TSPAN15: variants seen among roughly 807,000 people sequenced by gnomAD.
TSPAN15 encodes the protein tetraspanin 15.
TSPAN15 carries 20 observed loss-of-function variants against 34.5 expected under a neutral mutation model. The ratio of observed to expected loss-of-function variants is 0.58; its 90% CI spans 0.41 to 0.84. The LOEUF is 0.84. Among genes scored for constraint, TSPAN15 ranks in the 40% least tolerant of loss-of-function variants. TSPAN15 has a pLI of 0.00. For missense variants in TSPAN15, 313 were observed against 386.1 expected, an observed-to-expected ratio of 0.81 and a Z score of 1.59; for synonymous variants, 155 against 153.9, an observed-to-expected ratio of 1.01 and a Z score of -0.05.
At chr10:69,496,930 G>T (rs950540354) in intron 4 of TSPAN15, among the ~76,000 whole-genome samples, 4 of 152,244 alleles carry the variant, frequency 2.6e-5, no homozygotes, top group African/African-American at 9.6e-5. Context: ...TCCTGGCATA[G>T]AGGTAGGAGG....
At chr10:69,480,939 C>G (rs1444079229) in intron 1 of TSPAN15, among the ~76,000 whole-genome samples, 2 of 152,182 alleles carry the variant, frequency 1.3e-5, no homozygotes, top group African/African-American at 4.8e-5. Context: ...CTCAAGTGAT[C>G]TGCCCACCTC....
intron 1 of TSPAN15, among the ~76,000 whole-genome samples, chr10:69,465,708 C>G (rs1207630508): frequency 6.6e-6 from 1 of 152,176 alleles, no homozygotes; most frequent in Admixed American, 6.5e-5. Flanking sequence ...CTCTCTCTCT[C>G]GGCAGACTTA....
At chr10:69,544,504 GTTCAAAAGC>G in the TSPAN15 span, among the ~76,000 whole-genome samples, 5 of 152,300 alleles carry the variant, frequency 3.3e-5, no homozygotes, top group Middle Eastern at 3.4e-3. Flanking sequence ...TCCCGCAGCG[GTTCAAAAGC>G]TGCTCCAGGC....
intron 3 of TSPAN15, among the ~76,000 whole-genome samples, chr10:69,490,584 G>A (rs1017674543): frequency 6.6e-6 from 1 of 152,190 alleles, no homozygotes; most frequent in Non-Finnish European, 1.5e-5. Flanking sequence ...AGCTAGGCGT[G>A]GTAGTGGGCA....
In TSPAN15 at chr10:69,498,514, G is replaced by A. The variant is rs1455216479; in HGVS notation, c.570+118G>A. ...GGTGTGGGTGGATGGCAGGGAAGTA[G>A]GAGTTGGTGGCAGAGCGGAGGCTTT... On this transcript the variant is annotated intron_variant, in intron 5 of 7. Coordinates refer to ENST00000373290, the MANE Select transcript of TSPAN15 (RefSeq NM_012339.5). 3.9e-5 allele frequency: 31 copies of A among 801,366 alleles called. No homozygotes were observed. In the East Asian group the frequency reaches 8.3e-4, roughly 22 times the overall value. The allele number at this position is 801,366 out of a possible 1,614,324, so 49.6% of individuals were successfully genotyped here.
chr10:69,524,586 A>G, the TSPAN15 span, among the ~76,000 whole-genome samples: 1 of 147,318 alleles, frequency 6.8e-6, no homozygotes, highest in South Asian at 2.1e-4. Context: ...ACTATGCAGC[A>G]GTTAAGTAAG....
At chr10:69,507,719 G>A, downstream of TSPAN15, 1 of 1,166,114 alleles carries the variant, frequency 8.6e-7, no homozygotes, top group Non-Finnish European at 1.1e-6. Flanking sequence ...AAGGAAGGCT[G>A]CAACCTGGAT....
intron 6 of TSPAN15, 145 bp from the exon 7 acceptor site, chr10:69,505,979 G>T (rs1842316692): frequency 3.1e-6 from 2 of 637,176 alleles, no homozygotes; most frequent in South Asian, 3.9e-5. Context: ...AGAATCTAGG[G>T]TCACCTTCTC....
chr10:69,540,663 C>T, the TSPAN15 span, among the ~76,000 whole-genome samples: 1 of 152,090 alleles, frequency 6.6e-6, no homozygotes, highest in Non-Finnish European at 1.5e-5. Context: ...TGTGTCTGCT[C>T]TATGGAGGAT....
At chr10:69,490,643 C>T (rs956298854) in intron 3 of TSPAN15, among the ~76,000 whole-genome samples, 2 of 152,224 alleles carry the variant, frequency 1.3e-5, no homozygotes, top group African/African-American at 4.8e-5. Context: ...ATTGCTTCAA[C>T]CCAGGAGGCA....
chr10:69,479,156 G>A (rs921407718), intron 1 of TSPAN15, among the ~76,000 whole-genome samples: 6 of 152,226 alleles, frequency 3.9e-5, no homozygotes, highest in African/African-American at 1.2e-4. Context: ...ACAGAGCCTA[G>A]TATTTGCCTT....
the TSPAN15 span, among the ~76,000 whole-genome samples, chr10:69,513,862 G>T: frequency 5.3e-5 from 8 of 152,190 alleles, no homozygotes; most frequent in African/African-American, 1.9e-4. Flanking sequence ...AATTGCCTTG[G>T]CACCTTTGTT....
Position 69,479,807 on chromosome 10 carries a change from C to T in TSPAN15, c.97-3884C>T, listed in dbSNP as rs1841694785. Among the ~76,000 whole-genome samples, 3 of 152,186 alleles carry T rather than the reference C, an allele frequency of 2.0e-5. No homozygotes were observed. In the South Asian group the frequency reaches 6.2e-4, roughly 31 times the overall value. On this transcript the variant is annotated intron_variant, in intron 1 of 7. Coordinates refer to ENST00000373290, the MANE Select transcript of TSPAN15 (RefSeq NM_012339.5). ...TCTTGGGAGCACTTGAATGGGGAGGCCAGAGAGGCCTGTGCTGTATGGGGA... is the reference window on the plus strand; with the variant it reads ...TCTTGGGAGCACTTGAATGGGGAGGTCAGAGAGGCCTGTGCTGTATGGGGA...
intron 1 of TSPAN15, among the ~76,000 whole-genome samples, chr10:69,458,986 C>T (rs575540383): frequency 1.3e-5 from 2 of 151,670 alleles, no homozygotes; most frequent in African/African-American, 2.4e-5. Flanking sequence ...GTGGGGCTCA[C>T]GGTCAACCTG....
At chr10:69,545,942 T>C in the TSPAN15 span, among the ~76,000 whole-genome samples, 1 of 151,748 alleles carries the variant, frequency 6.6e-6, no homozygotes, top group African/African-American at 2.4e-5. Context: ...GGTGACAGAG[T>C]GAGACTCTGT....
At chr10:69,511,563 C>T (rs539330439), downstream of TSPAN15, among the ~76,000 whole-genome samples, 46 of 152,210 alleles carry the variant, frequency 3.0e-4, no homozygotes, top group African/African-American at 8.4e-4. Context: ...TTTTGTGTCT[C>T]TTATCTTCTT....
chr10:69,513,516 T>C, the TSPAN15 span, among the ~76,000 whole-genome samples: 2 of 152,146 alleles, frequency 1.3e-5, no homozygotes, highest in African/African-American at 2.4e-5. Context: ...CTGTGGTGTG[T>C]CTTTTCAGTC....
rs1021622686 is a variant in TSPAN15 at position 69,489,113 on chromosome 10, G to A, written c.357+3898G>A. Reference sequence around the variant, plus strand: ...GCGGCCGTTTATAGACCTCCCCCTAGGAATGCAGTTCTTTTCCCAGAGTGT... The same window carrying A: ...GCGGCCGTTTATAGACCTCCCCCTAAGAATGCAGTTCTTTTCCCAGAGTGT... On this transcript the variant is annotated intron_variant, in intron 3 of 7. Coordinates refer to ENST00000373290, the MANE Select transcript of TSPAN15 (RefSeq NM_012339.5). 3.9e-5 allele frequency among the ~76,000 whole-genome samples: 6 copies of A among 152,110 alleles called. No homozygotes were observed. The South Asian group carries it at 1.2e-3, about 32-fold the overall frequency.
chr10:69,467,332 C>G (rs1015592919), intron 1 of TSPAN15, among the ~76,000 whole-genome samples: 10 of 152,206 alleles, frequency 6.6e-5, no homozygotes, highest in Admixed American at 2.0e-4. Flanking sequence ...CAGGCCAGAA[C>G]AGGCCACCAG....
Sources: allele counts gnomAD v4.1 joint callset (sites outside exome capture counted in the v4.1 genomes callset), GRCh38; gene constraint gnomAD v4.1.1; transcripts MANE v1.5; gene names NCBI Gene and HGNC (gene_info 2026-07-23, HGNC 2026-07-21).